B3GLCT: variants seen among roughly 807,000 people sequenced by gnomAD.
B3GLCT encodes beta 3-glucosyltransferase, also known as beta-1,3-glucosyltransferase.
Under a neutral mutation model 63.4 loss-of-function variants are expected in B3GLCT, and 65 were observed. The ratio of observed to expected loss-of-function variants is 1.03; its 90% CI spans 0.84 to 1.26. B3GLCT has a LOEUF of 1.26. Among genes scored for constraint, B3GLCT ranks in the 50% most tolerant of loss-of-function variants. The pLI is 0.00. For missense variants in B3GLCT, 577 were observed against 604.8 expected, an observed-to-expected ratio of 0.95 and a Z score of 0.48; for synonymous variants, 233 against 219.2, an observed-to-expected ratio of 1.06 and a Z score of -0.55.
At chr13:31,211,004 A>T (rs1869229529) in intron 1 of B3GLCT, among the ~76,000 whole-genome samples, 1 of 152,048 alleles carries the variant, frequency 6.6e-6, no homozygotes. Flanking sequence ...CAGCCTCCCG[A>T]AGTGCTAGAA....
At chr13:31,311,792 A>G (rs1297056933) in intron 12 of B3GLCT, 5 of 152,200 alleles carry the variant, frequency 3.3e-5, no homozygotes, top group Non-Finnish European at 7.3e-5. Flanking sequence ...TTCCCAAGGA[A>G]TCGATTCTCA....
chr13:31,260,980 A>C lies in B3GLCT; in HGVS notation c.494A>C (p.Glu165Ala), dbSNP rs753176898. Residue 165 changes from glutamate to alanine, a missense_variant, in exon 7 of 15, where the codon GAA (glutamate) becomes GCA (alanine). By Grantham distance (107) the Glu-to-Ala change is moderately radical. Coordinates refer to ENST00000343307, the MANE Select transcript of B3GLCT (RefSeq NM_194318.4). The stretch of plus-strand genomic sequence containing the variant: ...TTGGGAAAAGCATTACATGATGAAG[A>C]AGCTACAATAATTCACCATTATGCC... The part of the protein sequence containing the change: ...WFLGKALHDE[E>A]ATIIHHYAFS... The C allele has an allele frequency of 6.2e-7, 1 of 1,614,032 alleles. No homozygotes were observed. Among genetic ancestry groups the C allele is most frequent in the South Asian group, 1.1e-5 (1 of 91,072 alleles).
At chr13:31,259,338 A>G (rs1372874868) in intron 6 of B3GLCT, among the ~76,000 whole-genome samples, 1 of 151,900 alleles carries the variant, frequency 6.6e-6, no homozygotes, top group Non-Finnish European at 1.5e-5. Context: ...TAAGAAGGCT[A>G]TGGATGATAG....
intron 1 of B3GLCT, among the ~76,000 whole-genome samples, chr13:31,202,133 A>C (rs140823460): frequency 6.6e-6 from 1 of 152,246 alleles, no homozygotes; most frequent in Admixed American, 6.5e-5. Context: ...AACAATCTTG[A>C]TAGTTTATAA....
Position 31,254,187 on chromosome 13 carries a change from A to G in B3GLCT, c.459+6221A>G, listed in dbSNP as rs190501801. Among the ~76,000 whole-genome samples the G allele has an allele frequency of 4.3e-3, 662 of 152,352 alleles. 4 individuals are homozygous for G. Among genetic ancestry groups the G allele is most frequent in the Non-Finnish European group, 7.6e-3 (518 of 68,038 alleles). ...CCCTAACTCATTTTATGAGGCCAGC[A>G]TCATCCTGATACCAAAACCTGGCAG... On this transcript the variant is annotated intron_variant, in intron 6 of 14. Coordinates refer to ENST00000343307, the MANE Select transcript of B3GLCT (RefSeq NM_194318.4).
In B3GLCT at chr13:31,329,667, A is replaced by G; in HGVS notation, c.1496A>G (p.Ter499=). 1.2e-6 allele frequency: 2 copies of G among 1,614,192 alleles called. No homozygotes were observed. Among genetic ancestry groups the G allele is most frequent in the Non-Finnish European group, 1.7e-6 (2 of 1,180,014 alleles). Residue 499 remains the stop codon, a stop_retained_variant, in exon 15 of 15, where the codon TAA becomes TGA. Coordinates refer to ENST00000343307, the MANE Select transcript of B3GLCT (RefSeq NM_194318.4). The part of the protein sequence containing the change: ...ETQKGFREEL[*] Reference sequence around the variant, plus strand: ...CAGAAAGGTTTTCGAGAGGAGTTATAAATCAGGGTGACCTGTGCGCCTAGC... The same window carrying G: ...CAGAAAGGTTTTCGAGAGGAGTTATGAATCAGGGTGACCTGTGCGCCTAGC...
Position 31,265,704 on chromosome 13 carries a change from AAT to A in B3GLCT, c.597-3505_597-3504del, listed in dbSNP as rs1872259637. Among the ~76,000 whole-genome samples, 4 of 152,206 alleles carry A rather than the reference AAT, an allele frequency of 2.6e-5. No homozygotes were observed. In the South Asian group the frequency reaches 8.3e-4, roughly 32 times the overall value. On this transcript the variant is annotated intron_variant, in intron 7 of 14. Coordinates refer to ENST00000343307, the MANE Select transcript of B3GLCT (RefSeq NM_194318.4). Reference sequence around the variant, plus strand: ...AACTACCAATAAGATGATTTCTTCAAATATATGTCATTCCAGGACACTGTTTC... The same window carrying A: ...AACTACCAATAAGATGATTTCTTCAAATATGTCATTCCAGGACACTGTTTC...
chr13:31,284,525 G>C, intron 10 of B3GLCT, 123 bp from the exon 11 acceptor site: 1 of 715,002 alleles, frequency 1.4e-6, no homozygotes, highest in South Asian at 1.5e-5. Context: ...AGCAACTCTT[G>C]GAACACCTGA....
intron 7 of B3GLCT, among the ~76,000 whole-genome samples, chr13:31,268,403 G>T (rs959471706): frequency 1.4e-4 from 21 of 152,188 alleles, no homozygotes; most frequent in African/African-American, 4.1e-4. Context: ...GTATAGCACA[G>T]AGAGAGTTAT....
At chr13:31,200,626 G>C (rs992233013) in intron 1 of B3GLCT, among the ~76,000 whole-genome samples, 8 of 151,718 alleles carry the variant, frequency 5.3e-5, no homozygotes, top group Admixed American at 4.6e-4. Context: ...GAGGCTGGAC[G>C]GGAGCCGGCG....
rs112251442 is a variant in B3GLCT, at chr13:31,296,172, C to A, written c.1064+9353C>A. Among the ~76,000 whole-genome samples, 133 of 152,230 alleles carry A rather than the reference C, an allele frequency of 8.7e-4. 1 individual carries two copies. Among genetic ancestry groups the A allele is most frequent in the Non-Finnish European group, 1.6e-3 (112 of 68,046 alleles). On this transcript the variant is annotated intron_variant, in intron 12 of 14. Transcript: ENST00000343307. ...GTCCAACCAGTCCCAATGAGATGCA[C>A]CAGGTACCTCAGTTGGAAATGCAGA... is the stretch of plus-strand genomic sequence containing the variant.
rs184029726 is a variant in B3GLCT at position 31,294,273 on chromosome 13, T to G, written c.1064+7454T>G. Among the ~76,000 whole-genome samples the G allele has an allele frequency of 2.4e-3, 366 of 152,340 alleles. 2 individuals carry two copies. Among genetic ancestry groups the G allele is most frequent in the African/African-American group, 8.3e-3 (347 of 41,574 alleles). On this transcript the variant is annotated intron_variant, in intron 12 of 14. Transcript: ENST00000343307. The stretch of plus-strand genomic sequence containing the variant: ...TCCTTCATTTCAACCTTGGTGAATC[T>G]GACGATTATGTGTCTTAGGGTTGCT...
At chr13:31,325,702 C>A (rs1320080884) in intron 14 of B3GLCT, among the ~76,000 whole-genome samples, 1 of 152,172 alleles carries the variant, frequency 6.6e-6, no homozygotes. Context: ...AATTCTTAAG[C>A]CTCTTTTAGA....
intron 10 of B3GLCT, 64 bp downstream of exon 10, chr13:31,276,835 C>G: frequency 1.7e-6 from 2 of 1,184,946 alleles, no homozygotes; most frequent in Non-Finnish European, 2.5e-6. Flanking sequence ...AAGAAAAGTA[C>G]CAATGAATTC....
chr13:31,253,934 G>GA (rs1019038670), intron 6 of B3GLCT, among the ~76,000 whole-genome samples: 1 of 152,114 alleles, frequency 6.6e-6, no homozygotes, highest in South Asian at 2.1e-4. Flanking sequence ...AGAAAATCTA[G>GA]AAAAAATGGA....
At chr13:31,215,783 G>A (rs1869530947) in intron 2 of B3GLCT, among the ~76,000 whole-genome samples, 1 of 152,150 alleles carries the variant, frequency 6.6e-6, no homozygotes, top group South Asian at 2.1e-4. Flanking sequence ...CTATGTCACA[G>A]GTGTCACAGA....
intron 11 of B3GLCT, among the ~76,000 whole-genome samples, chr13:31,285,122 C>T (rs1037642923): frequency 1.6e-4 from 25 of 152,184 alleles, no homozygotes; most frequent in Middle Eastern, 3.4e-3. Context: ...TTATATTACC[C>T]GTGAGTACCA....
intron 12 of B3GLCT, among the ~76,000 whole-genome samples, chr13:31,289,028 C>T (rs531620329): frequency 1.1e-4 from 17 of 151,926 alleles, no homozygotes; most frequent in African/African-American, 3.6e-4. Context: ...GAGAGATATA[C>T]CAAGGAAATA....
chr13:31,304,157 T>A (rs1874324677), intron 12 of B3GLCT, among the ~76,000 whole-genome samples: 1 of 94,840 alleles, frequency 1.1e-5, no homozygotes, highest in African/African-American at 4.6e-5. Context: ...AGGCCTGCCC[T>A]AAAAGAGCTC....
Sources: gnomAD v4.1 joint callset for allele counts (sites outside exome capture counted in the v4.1 genomes callset) on GRCh38, gnomAD v4.1.1 for gene constraint, MANE v1.5 for transcripts, NCBI Gene and HGNC (gene_info 2026-07-23, HGNC 2026-07-21) for gene names.